Variants in CUX1 observed in about 807,000 individuals in gnomAD.
The protein encoded by CUX1 is protein CASP.
Under a neutral mutation model 158.8 loss-of-function variants are expected in CUX1, and 31 were observed. The observed-to-expected ratio is 0.20, with a 90% CI of 0.15 to 0.26. CUX1 has a LOEUF of 0.26. Ranked by LOEUF, CUX1 falls within the 10% of genes least tolerant of loss-of-function variation. The pLI is 1.00. For synonymous variants in CUX1, 879 were observed against 862.1 expected (o/e 1.02, Z -0.34); for missense variants, 1,589 against 2,014.6 (o/e 0.79, Z 4.04).
At chr7:102,210,679 A>G (rs1434232803) in intron 20 of CUX1, among the ~76,000 whole-genome samples, 5 of 152,196 alleles carry the variant, frequency 3.3e-5, no homozygotes, top group Non-Finnish European at 7.3e-5. Context: ...CGTGTTAGGA[A>G]TGATGGGTTC....
intron 1 of CUX1, among the ~76,000 whole-genome samples, chr7:101,858,311 G>A (rs1425167420): frequency 2.0e-5 from 3 of 152,128 alleles, no homozygotes; most frequent in Non-Finnish European, 2.9e-5. Context: ...GTTGGTGGTG[G>A]GGATCCCATT....
chr7:102,040,685 A>G (rs536420440), intron 3 of CUX1, among the ~76,000 whole-genome samples: 2 of 152,362 alleles, frequency 1.3e-5, no homozygotes, highest in South Asian at 2.1e-4. Flanking sequence ...GAGCTGTAAC[A>G]TATTTAAGCA....
At chr7:102,042,746 A>T (rs1183948326) in intron 3 of CUX1, among the ~76,000 whole-genome samples, 1 of 152,078 alleles carries the variant, frequency 6.6e-6, no homozygotes, top group East Asian at 1.9e-4. Context: ...AAGTATCATT[A>T]ACAAAGAAAA....
rs563289246 is a variant in CUX1 at position 102,224,773 on chromosome 7, G to A, written c.3131-2594G>A. On this transcript the variant is annotated intron_variant, in intron 20 of 23. Coordinates refer to ENST00000292535, the MANE Select transcript of CUX1 (RefSeq NM_181552.4). Reference sequence around the variant, plus strand: ...AGCCTCTGAGTTTCGTGGTGGCTCTGCCTCCGCCAGCACCCAGAACAAAAC... The same window carrying A: ...AGCCTCTGAGTTTCGTGGTGGCTCTACCTCCGCCAGCACCCAGAACAAAAC... Among the ~76,000 whole-genome samples, 150 of 152,318 alleles carry A rather than the reference G, an allele frequency of 9.8e-4. 1 individual carries two copies. Among genetic ancestry groups the A allele is most frequent in the Admixed American group, 3.7e-3 (56 of 15,280 alleles).
At chr7:101,856,224 AAGC>A (rs1796803082) in intron 1 of CUX1, among the ~76,000 whole-genome samples, 1 of 151,746 alleles carries the variant, frequency 6.6e-6, no homozygotes, top group Non-Finnish European at 1.5e-5. Flanking sequence ...AGAAAGAAAA[AAGC>A]AGCTAAATTC....
chr7:102,090,488 T>C (rs1828450917), intron 4 of CUX1, among the ~76,000 whole-genome samples: 1 of 151,714 alleles, frequency 6.6e-6, no homozygotes, highest in Admixed American at 6.6e-5. Flanking sequence ...CCCAGGTTCA[T>C]GCCATTCTCC....
At chr7:102,128,058 G>A (rs1325080579) in intron 8 of CUX1, among the ~76,000 whole-genome samples, 1 of 152,174 alleles carries the variant, frequency 6.6e-6, no homozygotes, top group African/African-American at 2.4e-5. Context: ...AGTTGGCCAA[G>A]CTGGTCTGAC....
In CUX1 at chr7:101,962,353, C is replaced by T. The variant is rs548060185; in HGVS notation, c.141+46128C>T. ...GTTGGCCCTACGTGGAATCTCAAAT[C>T]GCTCTACCCTTTCGGGATCTTCCGT... On this transcript the variant is annotated intron_variant, in intron 2 of 23. Transcript: ENST00000292535. Among the ~76,000 whole-genome samples, 15 of 152,342 alleles carry T rather than the reference C, an allele frequency of 9.8e-5. 1 individual carries two copies. Among genetic ancestry groups the T allele is most frequent in the South Asian group, 6.2e-4 (3 of 4,826 alleles).
intron 9 of CUX1, among the ~76,000 whole-genome samples, chr7:102,159,671 G>C (rs1790212689): frequency 6.6e-6 from 1 of 152,068 alleles, no homozygotes. Context: ...GACCAGCCTG[G>C]CCAATATGGT....
At chr7:101,984,133 C>CAT (rs1563092159) in intron 2 of CUX1, among the ~76,000 whole-genome samples, 1 of 53,774 alleles carries the variant, frequency 1.9e-5, no homozygotes, top group African/African-American at 6.9e-5. Flanking sequence ...TATATATACA[C>CAT]ACACACATAT....
chr7:101,820,019 G>C (rs1193131726), intron 1 of CUX1, among the ~76,000 whole-genome samples: 1 of 152,200 alleles, frequency 6.6e-6, no homozygotes, highest in African/African-American at 2.4e-5. Context: ...TATTTAAAAA[G>C]TCTCCTGTTT....
intron 8 of CUX1, among the ~76,000 whole-genome samples, chr7:102,128,435 G>A (rs1446934405): frequency 6.6e-6 from 1 of 151,336 alleles, no homozygotes. Flanking sequence ...TGGCCCTTTT[G>A]TCAGCCTCTT....
At chr7:101,873,874 C>T (rs552657676) in intron 1 of CUX1, among the ~76,000 whole-genome samples, 166 of 152,322 alleles carry the variant, frequency 1.1e-3, no homozygotes, top group African/African-American at 3.8e-3. Flanking sequence ...CATGAGCTAC[C>T]GCGTCCTGCC....
chr7:101,974,004 G>A (rs780632476), intron 2 of CUX1, among the ~76,000 whole-genome samples: 3 of 151,428 alleles, frequency 2.0e-5, no homozygotes, highest in African/African-American at 7.3e-5. Flanking sequence ...TCCTGACCTC[G>A]TGATCCACTC....
intron 23 of CUX1, among the ~76,000 whole-genome samples, chr7:102,244,706 TATCTC>T (rs1220539669): frequency 6.6e-6 from 1 of 151,802 alleles, no homozygotes; most frequent in Non-Finnish European, 1.5e-5. Flanking sequence ...AAAAAAAACA[TATCTC>T]AGGCTGACCA....
chr7:102,236,622 A>T (rs1267262720), intron 22 of CUX1, among the ~76,000 whole-genome samples: 2 of 152,144 alleles, frequency 1.3e-5, no homozygotes, highest in Non-Finnish European at 2.9e-5. Flanking sequence ...ACAAAAGTAG[A>T]GAAAATGCTG....
At position 102,248,490 on chromosome 7, in the gene CUX1, C is replaced by T. The variant is rs782543068; in HGVS notation, c.3966C>T (p.Pro1322=). 1.3e-6 allele frequency: 2 copies of T among 1,581,892 alleles called. No homozygotes were observed. The highest frequency in any genetic ancestry group is 3.5e-5 in the Admixed American group (2 of 56,954). ...SQGQAGASDS[P]SARSGRAAPS... The stretch of plus-strand genomic sequence containing the variant: ...GCCAGGCGGGCGCCAGCGACTCACC[C>T]TCGGCCCGCAGCGGCCGGGCGGCGC... The change falls in exon 24 of 24, where the codon CCC becomes CCT. Residue 1322 remains proline (P), a synonymous_variant. Coordinates refer to ENST00000292535, the MANE Select transcript of CUX1 (RefSeq NM_181552.4). This position sits in a 1 kb window ranked among gnomAD's most constrained non-coding sequence, Gnocchi z 5.8.
intron 1 of CUX1, among the ~76,000 whole-genome samples, chr7:101,867,442 C>T (rs185054449): frequency 4.7e-4 from 71 of 152,320 alleles, no homozygotes; most frequent in African/African-American, 1.6e-3. Context: ...TGACCACTCA[C>T]GGCAGCCACA....
At chr7:102,080,131 G>A (rs1034963750) in intron 4 of CUX1, among the ~76,000 whole-genome samples, 9 of 152,288 alleles carry the variant, frequency 5.9e-5, no homozygotes, top group East Asian at 3.9e-4. Flanking sequence ...GCCGGCTGCC[G>A]TCCTTCCCAA....
Sources: allele counts gnomAD v4.1 joint callset (sites outside exome capture counted in the v4.1 genomes callset), GRCh38; gene constraint gnomAD v4.1.1; non-coding constraint Gnocchi (gnomAD v3.1); transcripts MANE v1.5; gene names NCBI Gene and HGNC (gene_info 2026-07-23, HGNC 2026-07-21).